EIF4E: variants seen among roughly 807,000 people sequenced by gnomAD.
EIF4E encodes the protein eIF-4F 25 kDa subunit.
For missense variants in EIF4E, 113 were observed against 265.6 expected, an observed-to-expected ratio of 0.43 and a Z score of 3.99; for synonymous variants, 71 against 88.5, an observed-to-expected ratio of 0.80 and a Z score of 1.11.
intron 3 of EIF4E, among the ~76,000 whole-genome samples, chr4:98,888,484 T>A (rs141801182): frequency 9.1e-4 from 138 of 152,274 alleles, no homozygotes; most frequent in Non-Finnish European, 1.3e-3. Context: ...AACATAATAA[T>A]CATTTTAAAA....
chr4:98,912,137 A>C (rs1255688438), intron 1 of EIF4E, among the ~76,000 whole-genome samples: 1 of 151,762 alleles, frequency 6.6e-6, no homozygotes, highest in Non-Finnish European at 1.5e-5. Flanking sequence ...CTGTAATCCC[A>C]GTTACTTGGG....
intron 1 of EIF4E, among the ~76,000 whole-genome samples, chr4:98,915,293 C>T (rs1026967496): frequency 1.3e-5 from 2 of 149,266 alleles, no homozygotes; most frequent in African/African-American, 5.0e-5. Context: ...AGAAAAGGTA[C>T]GAAGAAGGAT....
intron 2 of EIF4E, chr4:98,895,007 G>A (rs1724314417): frequency 6.6e-6 from 1 of 152,272 alleles, no homozygotes; most frequent in Non-Finnish European, 1.5e-5. Flanking sequence ...ACAAGAAGAT[G>A]GGAATGGCCA....
At chr4:98,898,100 T>A (rs1050469332) in intron 2 of EIF4E, among the ~76,000 whole-genome samples, 1 of 151,840 alleles carries the variant, frequency 6.6e-6, no homozygotes, top group African/African-American at 2.4e-5. Context: ...TCTTTGAGCA[T>A]GTGTCCTACG....
rs1157811683 is a variant in EIF4E at position 98,891,293 on chromosome 4, A to G, written c.165T>C (p.Thr55=). Residue 55 remains threonine, a synonymous_variant, in exon 3 of 7, where the codon ACT becomes ACC. Transcript: ENST00000450253. ...LWFFKNDKSK[T]WQANLRLISK... ...AGATCAGCCGCAGGTTTGCTTGCCA[A>G]GTTTTGCTTTTATCATTTTTAAAAA... 6.2e-7 allele frequency: 1 copy of G among 1,613,842 alleles called. No homozygotes were observed. The highest frequency in any genetic ancestry group is 8.5e-7 in the Non-Finnish European group (1 of 1,180,016).
intron 1 of EIF4E, among the ~76,000 whole-genome samples, chr4:98,906,569 T>G (rs1045800637): frequency 1.3e-5 from 2 of 152,066 alleles, no homozygotes; most frequent in African/African-American, 2.4e-5. Context: ...TCCCAACACC[T>G]TGGGAGGCCA....
intron 2 of EIF4E, chr4:98,891,597 A>G (rs1424584484): frequency 2.3e-6 from 1 of 440,266 alleles, no homozygotes; most frequent in Admixed American, 4.0e-5. Flanking sequence ...TTCCACTTAT[A>G]TGAGGTATAA....
chr4:98,908,041 T>G (rs780445151), intron 1 of EIF4E, among the ~76,000 whole-genome samples: 9 of 152,124 alleles, frequency 5.9e-5, no homozygotes, highest in Non-Finnish European at 1.2e-4. Context: ...AGAAGATAAA[T>G]CACTAACATT....
intron 1 of EIF4E, chr4:98,903,378 T>C (rs1412688294): frequency 7.0e-6 from 3 of 426,334 alleles, no homozygotes; most frequent in Non-Finnish European, 9.1e-6. Flanking sequence ...TTTTTTTGTA[T>C]TTTATTTTTC....
In EIF4E at chr4:98,887,258, G is replaced by T. The variant is rs1210380966; in HGVS notation, c.286-66C>A. The T allele has an allele frequency of 6.6e-7, 1 of 1,514,546 alleles. No individual in the cohort carries two copies. 93.8% of individuals were successfully genotyped at this position (1,514,546 alleles called of 1,614,324 possible). Reference sequence around the variant, plus strand: ...CCTTGACTTTGAGAGATAATCATTAGAAACAGTTAAGCAACAACACTGTCA... The same window carrying T: ...CCTTGACTTTGAGAGATAATCATTATAAACAGTTAAGCAACAACACTGTCA... On this transcript the variant is annotated intron_variant, in intron 4 of 6. Transcript: ENST00000450253. This position sits in a 1 kb window ranked among gnomAD's most constrained non-coding sequence, Gnocchi z 4.0.
chr4:98,892,568 G>C (rs1261688876), intron 2 of EIF4E, among the ~76,000 whole-genome samples: 1 of 147,904 alleles, frequency 6.8e-6, no homozygotes, highest in Admixed American at 7.1e-5. Context: ...TGTAATTACA[G>C]CTACTCGGGA....
chr4:98,909,670 C>T (rs1386038141), intron 1 of EIF4E: 5 of 711,932 alleles, frequency 7.0e-6, no homozygotes, highest in Non-Finnish European at 1.3e-5. Context: ...GCAAACAAGG[C>T]TTATCACCTG....
chr4:98,885,059 A>C lies in EIF4E; in HGVS notation c.402T>G (p.Leu134=). Residue 134 remains leucine, a splice_region_variant and synonymous_variant, in exon 6 of 7, where the codon CTT becomes CTG. Coordinates refer to ENST00000450253, the MANE Select transcript of EIF4E (RefSeq NM_001968.5). ...CAAAAGATTCTCCAATAAGGCACAG[A>C]AGCTTAAAAAAAAATCCCAAATTAC... ...SDLDRFWLET[L]LCLIGESFDD... 6.2e-7 allele frequency: 1 copy of C among 1,611,686 alleles called. No homozygotes were observed. Among genetic ancestry groups the C allele is most frequent in the Non-Finnish European group, 8.5e-7 (1 of 1,178,552 alleles).
chr4:98,914,361 CAAAAAA>C (rs1159581783), intron 1 of EIF4E, among the ~76,000 whole-genome samples: 3 of 34,830 alleles, frequency 8.6e-5, no homozygotes, highest in African/African-American at 3.1e-4. Context: ...GACTCCGTCT[CAAAAAA>C]AAAAAAAAAA....
rs1723848974 is a variant in EIF4E, at chr4:98,884,814, G to A, written c.539+108C>T. 4.9e-6 allele frequency: 7 copies of A among 1,439,264 alleles called. No individual in the cohort carries two copies. The South Asian group carries it at 8.5e-5, about 18-fold the overall frequency. 89.2% of individuals were successfully genotyped at this position (1,439,264 alleles called of 1,614,324 possible). ...AAAAGTGTTCACGAAAACAATACAA[G>A]GAAAACAGGATCTACAAACTGAAGT... On this transcript the variant is annotated intron_variant, in intron 6 of 6. Coordinates refer to ENST00000450253, the MANE Select transcript of EIF4E (RefSeq NM_001968.5).
At chr4:98,914,337 T>TG (rs202092800) in intron 1 of EIF4E, among the ~76,000 whole-genome samples, 2,136 of 110,682 alleles carry the variant, frequency 0.019, 67 homozygotes, top group African/African-American at 0.071. Flanking sequence ...CACTCCAGCC[T>TG]GGCAACAGAG....
In EIF4E at chr4:98,884,996, A is replaced by G; in HGVS notation, c.465T>C (p.Asn155=). Residue 155 remains asparagine, a synonymous_variant, in exon 6 of 7, where the codon AAT becomes AAC. Transcript: ENST00000450253. Reference sequence around the variant, plus strand: ...CTATCTTATCACCTTTAGCTCTAACATTAACAACAGCGCCACATACATCAT... The same window carrying G: ...CTATCTTATCACCTTTAGCTCTAACGTTAACAACAGCGCCACATACATCAT... ...YSDDVCGAVV[N]VRAKGDKIAI... 1 of 1,613,806 alleles carries G rather than the reference A, an allele frequency of 6.2e-7. No homozygotes were observed. The highest frequency in any genetic ancestry group is 2.2e-5 in the East Asian group (1 of 44,814).
chr4:98,899,675 A>G (rs567413364), intron 2 of EIF4E, among the ~76,000 whole-genome samples: 6 of 152,326 alleles, frequency 3.9e-5, no homozygotes, highest in South Asian at 2.1e-4. Flanking sequence ...ATATGGTGGT[A>G]TATCAATATA....
intron 1 of EIF4E, among the ~76,000 whole-genome samples, chr4:98,914,578 C>CT (rs1222778196): frequency 6.6e-6 from 1 of 151,838 alleles, no homozygotes; most frequent in Non-Finnish European, 1.5e-5. Context: ...CTGTATGATT[C>CT]TAACTCTGTG....
Sources: gnomAD v4.1 joint callset for allele counts (sites outside exome capture counted in the v4.1 genomes callset) on GRCh38, gnomAD v4.1.1 for gene constraint, Gnocchi (gnomAD v3.1) non-coding constraint, MANE v1.5 for transcripts, NCBI Gene and HGNC (gene_info 2026-07-23, HGNC 2026-07-21) for gene names.